Variants in NCALD observed in about 807,000 individuals in gnomAD.
NCALD encodes the protein neurocalcin delta, also known as neurocalcin-delta.
In NCALD, 10 loss-of-function variants were observed where a neutral mutation model predicts 18.6. The observed-to-expected ratio is 0.54, with a 90% CI of 0.33 to 0.91. The LOEUF is 0.91. NCALD is among the 40% of genes least tolerant of loss of function. The pLI, the probability that NCALD is intolerant of heterozygous loss-of-function variation, is 0.03. For synonymous variants in NCALD, 88 were observed against 87.4 expected, an observed-to-expected ratio of 1.01 and a Z score of -0.04; for missense variants, 184 against 247.6, an observed-to-expected ratio of 0.74 and a Z score of 1.72.
intron 2 of NCALD, among the ~76,000 whole-genome samples, chr8:101,694,716 C>A (rs1369973701): frequency 1.3e-5 from 2 of 152,138 alleles, no homozygotes; most frequent in African/African-American, 4.8e-5. Context: ...CTGCCCTCCT[C>A]ATCATGGTCC....
At position 101,689,708 on chromosome 8, in the gene NCALD, C is replaced by T. The variant is rs1281122464; in HGVS notation, c.485-302G>A. Among the ~76,000 whole-genome samples, 1 of 152,182 alleles carries T rather than the reference C, an allele frequency of 6.6e-6. No individual in the cohort carries two copies. Among genetic ancestry groups the T allele is most frequent in the Non-Finnish European group, 1.5e-5 (1 of 68,032 alleles). On this transcript the variant is annotated intron_variant, in intron 3 of 3. Transcript: ENST00000220931. This position sits in a 1 kb window ranked among gnomAD's most constrained non-coding sequence, Gnocchi z 4.4. ...ACTGGGGAGAGGGTGGTGGATGATG[C>T]TGACTTGGTCCCTGACCTCCTGGCT... is the stretch of plus-strand genomic sequence containing the variant.
chr8:102,104,147 T>C (rs1016496195), intron 1 of NCALD, among the ~76,000 whole-genome samples: 2 of 152,246 alleles, frequency 1.3e-5, no homozygotes, highest in South Asian at 2.1e-4. Flanking sequence ...AGTCCCTGAT[T>C]ATATACTTGG....
intron 2 of NCALD, among the ~76,000 whole-genome samples, chr8:101,938,066 G>C (rs1284897816): frequency 6.6e-6 from 1 of 152,140 alleles, no homozygotes; most frequent in East Asian, 1.9e-4. Flanking sequence ...GCCATGACTT[G>C]TTCTTTATGA....
chr8:101,805,795 A>G (rs548750212), intron 4 of NCALD, among the ~76,000 whole-genome samples: 1 of 152,344 alleles, frequency 6.6e-6, no homozygotes, highest in South Asian at 2.1e-4. Flanking sequence ...CAGACCAGCT[A>G]GTTTATCAAA....
chr8:101,895,939 C>T (rs1380010368), intron 3 of NCALD, among the ~76,000 whole-genome samples: 1 of 150,662 alleles, frequency 6.6e-6, no homozygotes, highest in Non-Finnish European at 1.5e-5. Context: ...GCCATACTGC[C>T]CAAGGTAATT....
intron 2 of NCALD, among the ~76,000 whole-genome samples, chr8:101,992,033 A>G (rs142794510): frequency 1.5e-3 from 236 of 152,316 alleles, no homozygotes; most frequent in Non-Finnish European, 1.9e-3. Context: ...CTTCATTTAT[A>G]GGCTATGTTG....
chr8:102,120,783 A>G (rs776385129), intron 1 of NCALD, among the ~76,000 whole-genome samples: 1 of 152,230 alleles, frequency 6.6e-6, no homozygotes, highest in Non-Finnish European at 1.5e-5. Flanking sequence ...GAGGTATTCC[A>G]TGTAAACCAG....
At chr8:102,011,009 G>A (rs922041015) in intron 2 of NCALD, among the ~76,000 whole-genome samples, 4 of 152,156 alleles carry the variant, frequency 2.6e-5, no homozygotes, top group African/African-American at 4.8e-5. Context: ...GAAATGTCAC[G>A]TCTGGTTCCT....
intron 2 of NCALD, among the ~76,000 whole-genome samples, chr8:101,970,098 C>T (rs567494594): frequency 6.6e-6 from 1 of 152,262 alleles, no homozygotes; most frequent in Non-Finnish European, 1.5e-5. Flanking sequence ...AGTAACTTAC[C>T]TGTAACTTTC....
At chr8:101,692,038 C>T (rs2129958807) in intron 3 of NCALD, 1 of 977,510 alleles carries the variant, frequency 1.0e-6, no homozygotes, top group African/African-American at 1.7e-5. Flanking sequence ...TTCAGATAAA[C>T]AGCAAGTGAC....
chr8:101,699,173 A>G (rs1815142748), intron 2 of NCALD, among the ~76,000 whole-genome samples: 3 of 150,808 alleles, frequency 2.0e-5, no homozygotes, highest in Non-Finnish European at 4.5e-5. Flanking sequence ...GAAAAAGCGT[A>G]TGATCATTAG....
At chr8:101,751,183 G>A (rs186934589) in intron 1 of NCALD, among the ~76,000 whole-genome samples, 1 of 152,280 alleles carries the variant, frequency 6.6e-6, no homozygotes, top group African/African-American at 2.4e-5. Context: ...TCTGACACAT[G>A]CTACAACATG....
At chr8:101,978,887 G>T (rs1232725043) in intron 2 of NCALD, among the ~76,000 whole-genome samples, 1 of 152,220 alleles carries the variant, frequency 6.6e-6, no homozygotes, top group Non-Finnish European at 1.5e-5. Context: ...TCAGTGTTGG[G>T]TAAAAAGCAG....
intron 2 of NCALD, among the ~76,000 whole-genome samples, chr8:101,973,868 C>T (rs1487975920): frequency 2.0e-5 from 3 of 152,200 alleles, no homozygotes; most frequent in Non-Finnish European, 2.9e-5. Flanking sequence ...ATTTATTGAA[C>T]AGCTACTATG....
intron 2 of NCALD, among the ~76,000 whole-genome samples, chr8:101,932,599 AAAG>A (rs1394199679): frequency 6.6e-6 from 1 of 152,212 alleles, no homozygotes; most frequent in Non-Finnish European, 1.5e-5. Flanking sequence ...TCTTTAAAGA[AAAG>A]AATACAAGAG....
chr8:102,108,509 G>A (rs1208853120), intron 1 of NCALD, among the ~76,000 whole-genome samples: 5 of 152,194 alleles, frequency 3.3e-5, no homozygotes, highest in East Asian at 1.9e-4. Flanking sequence ...CAATGCACTC[G>A]TGAGACTTGC....
At chr8:101,997,773 A>G (rs1275236805) in intron 2 of NCALD, among the ~76,000 whole-genome samples, 1 of 152,186 alleles carries the variant, frequency 6.6e-6, no homozygotes, top group Non-Finnish European at 1.5e-5. Flanking sequence ...AGTTGCCAAG[A>G]GCATTTAAGA....
chr8:101,759,999 A>G (rs978895411), intron 1 of NCALD, among the ~76,000 whole-genome samples: 1 of 152,144 alleles, frequency 6.6e-6, no homozygotes, highest in African/African-American at 2.4e-5. Context: ...CCAGACCCCA[A>G]GGGGTTGGTC....
chr8:101,869,715 A>G (rs983274298), intron 4 of NCALD, among the ~76,000 whole-genome samples: 1 of 152,178 alleles, frequency 6.6e-6, no homozygotes, highest in Non-Finnish European at 1.5e-5. Flanking sequence ...TTAATAGAAG[A>G]CTTAAACCAA....
Sources: allele counts gnomAD v4.1 joint callset (sites outside exome capture counted in the v4.1 genomes callset), GRCh38; gene constraint gnomAD v4.1.1; non-coding constraint Gnocchi (gnomAD v3.1); transcripts MANE v1.5; gene names NCBI Gene and HGNC (gene_info 2026-07-23, HGNC 2026-07-21).